Variants in RGS22 observed in about 807,000 individuals in gnomAD.
RGS22 encodes the protein regulator of G-protein signaling 22.
In RGS22, 148 loss-of-function variants were observed where a neutral mutation model predicts 172.9. The ratio of observed to expected loss-of-function variants is 0.86; its 90% CI spans 0.75 to 0.98. The LOEUF is 0.98. Ranked by LOEUF, RGS22 falls within the 50% of genes least tolerant of loss-of-function variation. The pLI, the probability that RGS22 is intolerant of heterozygous loss-of-function variation, is 0.00. For synonymous variants in RGS22, 458 were observed against 480.2 expected (o/e 0.95, Z 0.60); for missense variants, 1,347 against 1,440.8 (o/e 0.93, Z 1.05).
chr8:100,063,946 T>A lies in RGS22; in HGVS notation c.822A>T (p.Glu274Asp). 1 of 1,580,122 alleles carries A rather than the reference T, an allele frequency of 6.3e-7. No individual in the cohort carries two copies. The highest frequency in any genetic ancestry group is 1.4e-5 in the African/African-American group (1 of 73,386). The change falls in exon 8 of 28, where the codon GAA becomes GAT. Residue 274 changes from glutamate (E) to aspartate (D), a missense_variant. Glu to Asp is a conservative substitution (Grantham distance 45). Transcript: ENST00000360863. ...LISEFEEEEG[E>D]EEEVSVSLQD... ...GTAGAGATACAGACACCTCTTCTTC[T>A]TCTCCTTCTTCTTCTTCAAATTCAG... is the stretch of plus-strand genomic sequence containing the variant.
intron 10 of RGS22, among the ~76,000 whole-genome samples, chr8:100,049,039 TAGACAA>T: frequency 6.6e-6 from 1 of 152,320 alleles, no homozygotes; most frequent in Middle Eastern, 3.4e-3. Context: ...ACATATCATG[TAGACAA>T]AGGCCTATAT....
intron 14 of RGS22, among the ~76,000 whole-genome samples, chr8:100,016,024 A>C (rs1022273788): frequency 2.6e-5 from 4 of 152,214 alleles, no homozygotes; most frequent in Admixed American, 6.5e-5. Flanking sequence ...TTAGATGATA[A>C]ATTATATGGT....
intron 14 of RGS22, among the ~76,000 whole-genome samples, chr8:100,022,901 T>C (rs1022441322): frequency 6.6e-6 from 1 of 152,140 alleles, no homozygotes; most frequent in Non-Finnish European, 1.5e-5. Flanking sequence ...CTAATTTTTG[T>C]ATTTTTTTTG....
chr8:100,016,376 T>TA (rs1325570685), intron 14 of RGS22, among the ~76,000 whole-genome samples: 4 of 151,620 alleles, frequency 2.6e-5, no homozygotes, highest in Non-Finnish European at 5.9e-5. Context: ...TTCCACTTTT[T>TA]TTTCTTTTGC....
chr8:100,105,591 G>T (rs1449970892), intron 1 of RGS22, 189 bp from the exon 2 acceptor site: 2 of 616,978 alleles, frequency 3.2e-6, no homozygotes. Context: ...GGGAAGGAAA[G>T]GCCTCTGGAA....
chr8:99,985,772 A>C (rs920612824), intron 21 of RGS22, among the ~76,000 whole-genome samples: 2 of 152,134 alleles, frequency 1.3e-5, no homozygotes, highest in Admixed American at 1.3e-4. Context: ...GAAAGTCATA[A>C]AACTAAGGGT....
At position 100,027,253 on chromosome 8, in the gene RGS22, G is replaced by A. The variant is rs534485056; in HGVS notation, c.2166+11678C>T. On this transcript the variant is annotated intron_variant, in intron 14 of 27. Transcript: ENST00000360863. ...CCTTGTCTCAAAAAAAAAAGAGAGA[G>A]ACATTATTATCTGTTTTAAATACGA... is the stretch of plus-strand genomic sequence containing the variant. 2.0e-5 allele frequency among the ~76,000 whole-genome samples: 3 copies of A among 152,138 alleles called. No homozygotes were observed. The East Asian group carries it at 5.8e-4, about 29-fold the overall frequency.
chr8:100,016,565 C>T (rs1563620021), intron 14 of RGS22, among the ~76,000 whole-genome samples: 1 of 152,080 alleles, frequency 6.6e-6, no homozygotes, highest in Non-Finnish European at 1.5e-5. Context: ...ATCACGAGGT[C>T]AGGAGATCGA....
At chr8:99,991,300 G>A (rs569278051) in intron 20 of RGS22, among the ~76,000 whole-genome samples, 23 of 152,038 alleles carry the variant, frequency 1.5e-4, no homozygotes, top group Admixed American at 3.9e-4. Flanking sequence ...TCAGAAGGTT[G>A]GTAATAACAA....
Position 100,063,423 on chromosome 8 carries a change from G to A in RGS22, c.1345C>T (p.His449Tyr), listed in dbSNP as rs754050156. Residue 449 changes from histidine to tyrosine, a missense_variant, in exon 8 of 28, where the codon CAT (histidine) becomes TAT (tyrosine). Transcript: ENST00000360863. ...RLKVLKDPGR[H>Y]QRHLEKMKKC... Reference sequence around the variant, plus strand: ...ATAAAAAAATAGAATTACCTTTGATGTCTTCCAGGATCCTTAAGAACTTTT... The same window carrying A: ...ATAAAAAAATAGAATTACCTTTGATATCTTCCAGGATCCTTAAGAACTTTT... The A allele has an allele frequency of 5.2e-6, 8 of 1,542,498 alleles. No homozygotes were observed. The highest frequency in any genetic ancestry group is 1.3e-5 in the South Asian group (1 of 78,160).
At chr8:100,012,978 A>ATTTTTTTTTTTTTTTT (rs35339430) in intron 14 of RGS22, among the ~76,000 whole-genome samples, 1 of 88,744 alleles carries the variant, frequency 1.1e-5, no homozygotes, top group African/African-American at 4.4e-5. Flanking sequence ...AACGCCTTTG[A>ATTTTTTTTTTTTTTTT]TTTTTTTTTT....
intron 17 of RGS22, 46 bp downstream of exon 17, chr8:100,003,880 C>G (rs1459418092): frequency 6.9e-7 from 1 of 1,439,706 alleles, no homozygotes; most frequent in East Asian, 2.4e-5. Context: ...AAAATAGTAG[C>G]TTAGAAAAAT....
At chr8:100,011,797 CA>C (rs555138032) in intron 14 of RGS22, among the ~76,000 whole-genome samples, 42 of 151,894 alleles carry the variant, frequency 2.8e-4, no homozygotes, top group African/African-American at 8.2e-4. Context: ...AATCAGCAGA[CA>C]AAAAAAGAGA....
At chr8:100,062,882 TCTTCAA>T in intron 8 of RGS22, 130 bp from the exon 9 acceptor site, 1 of 720,528 alleles carries the variant, frequency 1.4e-6, no homozygotes, top group Non-Finnish European at 2.3e-6. Flanking sequence ...CTCTTAAGGT[TCTTCAA>T]CTTACAGTAA....
intron 2 of RGS22, among the ~76,000 whole-genome samples, chr8:100,100,671 G>A (rs1003479793): frequency 6.6e-6 from 1 of 152,184 alleles, no homozygotes; most frequent in South Asian, 2.1e-4. Context: ...CTATGTTACT[G>A]TATGTTAAAA....
intron 20 of RGS22, among the ~76,000 whole-genome samples, chr8:99,993,540 A>G (rs1445715465): frequency 1.3e-5 from 2 of 151,936 alleles, no homozygotes; most frequent in East Asian, 3.8e-4. Context: ...TCCTGGACAC[A>G]TACACTCTCC....
At chr8:99,963,862 G>A (rs935452499) in intron 24 of RGS22, among the ~76,000 whole-genome samples, 1 of 152,146 alleles carries the variant, frequency 6.6e-6, no homozygotes, top group South Asian at 2.1e-4. Flanking sequence ...CAACTGTATA[G>A]GGCATCTACA....
intron 4 of RGS22, among the ~76,000 whole-genome samples, chr8:100,078,303 A>G (rs1811506064): frequency 1.3e-5 from 2 of 151,910 alleles, no homozygotes; most frequent in Admixed American, 1.3e-4. Context: ...CAGTGGCACC[A>G]TCATAGCTTA....
rs1554611213 is a variant in RGS22 at position 100,001,236 on chromosome 8, A to ATATATATATATACAT, written c.2790+965_2790+966insATGTATATATATATA. Among the ~76,000 whole-genome samples the ATATATATATATACAT allele has an allele frequency of 2.4e-3, 307 of 128,632 alleles. 2 individuals carry two copies. The highest frequency in any genetic ancestry group is 4.1e-3 in the Non-Finnish European group (248 of 60,878). 84.4% of individuals were successfully genotyped at this position (128,632 alleles called of 152,430 possible). Reference sequence around the variant, plus strand: ...TATATATATACATATATATATATACATTTTTTTTTTTTTTGAGACACAGTC... The same window carrying ATATATATATATACAT: ...TATATATATACATATATATATATACATATATATATATACATTTTTTTTTTTTTTTGAGACACAGTC... On this transcript the variant is annotated intron_variant, in intron 18 of 27. Coordinates refer to ENST00000360863, the MANE Select transcript of RGS22 (RefSeq NM_015668.5).
Sources: allele counts gnomAD v4.1 joint callset (sites outside exome capture counted in the v4.1 genomes callset), GRCh38; gene constraint gnomAD v4.1.1; transcripts MANE v1.5; gene names NCBI Gene and HGNC (gene_info 2026-07-23, HGNC 2026-07-21).